Variants in PCDH11Y observed in about 807,000 individuals in gnomAD.
PCDH11Y encodes the protein protocadherin-11 Y-linked.
For synonymous variants in PCDH11Y, 9 were observed against 83.6 expected (o/e 0.11, Z 4.87); for missense variants, 12 against 224.8 (o/e 0.05, Z 6.05).
At chrY:5,217,763 AAAG>A (rs2052948237) in intron 2 of PCDH11Y, among the ~76,000 whole-genome samples, 1 of 34,276 alleles carries the variant, frequency 2.9e-5, no homozygotes, top group African/African-American at 1.1e-4. Flanking sequence ...ATCTGTGTGC[AAAG>A]AAGAACATAA....
At chrY:5,460,381 A>G in intron 2 of PCDH11Y, among the ~76,000 whole-genome samples, 1 of 33,240 alleles carries the variant, frequency 3.0e-5, no homozygotes, top group Non-Finnish European at 7.5e-5. Flanking sequence ...AGTCAGTCTT[A>G]TTGTCTTTTA....
intron 2 of PCDH11Y, among the ~76,000 whole-genome samples, chrY:5,199,557 A>G (rs1602885286): frequency 9.3e-5 from 3 of 32,363 alleles, no homozygotes; most frequent in Non-Finnish European, 2.3e-4. Context: ...AAAGTGCTGG[A>G]ATTACAGGCA....
chrY:5,594,447 G>A, intron 4 of PCDH11Y, among the ~76,000 whole-genome samples: 1 of 30,369 alleles, frequency 3.3e-5, no homozygotes, highest in South Asian at 7.9e-4. Context: ...GGAAGGGCAG[G>A]GTTCACACAC....
intron 4 of PCDH11Y, among the ~76,000 whole-genome samples, chrY:5,587,247 T>C: frequency 3.1e-5 from 1 of 32,584 alleles, no homozygotes; most frequent in Non-Finnish European, 7.6e-5. Context: ...AAAATTCCTC[T>C]TGTAATTAAT....
At chrY:5,003,092 C>A in intron 1 of PCDH11Y, among the ~76,000 whole-genome samples, 1 of 34,506 alleles carries the variant, frequency 2.9e-5, no homozygotes, top group African/African-American at 1.1e-4. Flanking sequence ...CTCGCAGCCC[C>A]CCCCCTTCCA....
intron 2 of PCDH11Y, among the ~76,000 whole-genome samples, chrY:5,350,389 C>T: frequency 3.3e-5 from 1 of 30,652 alleles, no homozygotes; most frequent in Non-Finnish European, 7.8e-5. Flanking sequence ...CCCTCCACCC[C>T]CCTACATTTG....
Position 5,120,906 on chromosome Y carries a change from A to G in PCDH11Y, c.3129+20199A>G, listed in dbSNP as rs1602871335. On this transcript the variant is annotated intron_variant, in intron 2 of 4. Transcript: ENST00000400457. ...AAATTAAGAAAAAGTGAAGCTAACA[A>G]AAACAAAACCATTCTAGGAGCCAGA... is the stretch of plus-strand genomic sequence containing the variant. Among the ~76,000 whole-genome samples the G allele has an allele frequency of 4.6e-4, 15 of 32,901 alleles. No homozygotes were observed. The Middle Eastern group carries it at 0.15, about 327-fold the overall frequency. The allele number at this position is 32,901 out of a possible 37,273, so 88.3% of individuals were successfully genotyped here. A position where few individuals can be genotyped will look rare whatever the true frequency, so the allele number is the denominator to read the frequency against.
At chrY:5,121,302 A>G in intron 2 of PCDH11Y, among the ~76,000 whole-genome samples, 1 of 31,332 alleles carries the variant, frequency 3.2e-5, no homozygotes, top group Non-Finnish European at 7.7e-5. Flanking sequence ...GGAAGTCGAC[A>G]GTGCAACCTT....
chrY:5,231,919 T>C (rs2052968404), intron 2 of PCDH11Y, among the ~76,000 whole-genome samples: 1 of 32,973 alleles, frequency 3.0e-5, no homozygotes, highest in Non-Finnish European at 7.5e-5. Context: ...CCTCTCGCCA[T>C]AGCCACCACC....
chrY:5,146,068 C>T, intron 2 of PCDH11Y, among the ~76,000 whole-genome samples: 1 of 33,596 alleles, frequency 3.0e-5, no homozygotes, highest in Non-Finnish European at 7.4e-5. Flanking sequence ...GCTTTCATTA[C>T]TGCCTGAGCT....
At chrY:5,123,132 A>G (rs1602871655) in intron 2 of PCDH11Y, among the ~76,000 whole-genome samples, 2 of 32,400 alleles carry the variant, frequency 6.2e-5, no homozygotes, top group South Asian at 1.6e-3. Flanking sequence ...AGAATCAGGG[A>G]ACATGGTTTG....
chrY:5,435,382 C>T, intron 2 of PCDH11Y, among the ~76,000 whole-genome samples: 3 of 26,363 alleles, frequency 1.1e-4, no homozygotes, highest in South Asian at 9.9e-4. Flanking sequence ...GGCGCAATCT[C>T]GGCTCACTGC....
At chrY:5,376,883 G>A (rs2053198205) in intron 2 of PCDH11Y, among the ~76,000 whole-genome samples, 1 of 25,324 alleles carries the variant, frequency 3.9e-5, no homozygotes, top group Non-Finnish European at 8.9e-5. Flanking sequence ...GGAGGCAAAT[G>A]TCAAAACAAT....
intron 1 of PCDH11Y, among the ~76,000 whole-genome samples, chrY:5,078,081 G>A (rs2052712617): frequency 3.2e-5 from 1 of 31,408 alleles, no homozygotes; most frequent in South Asian, 7.7e-4. Context: ...ATGCGTTCTC[G>A]TTGTTCAGAT....
chrY:5,069,896 A>G, intron 1 of PCDH11Y, among the ~76,000 whole-genome samples: 1 of 33,187 alleles, frequency 3.0e-5, no homozygotes, highest in Non-Finnish European at 7.4e-5. Flanking sequence ...CTCTTTGTTC[A>G]TCTACATTAC....
intron 2 of PCDH11Y, among the ~76,000 whole-genome samples, chrY:5,488,779 T>A (rs2053335812): frequency 3.0e-5 from 1 of 33,548 alleles, no homozygotes; most frequent in Non-Finnish European, 7.4e-5. Context: ...AACCATTGAA[T>A]GCACTTCAGA....
chrY:5,012,880 C>T (rs2052554205), intron 1 of PCDH11Y, among the ~76,000 whole-genome samples: 1 of 26,317 alleles, frequency 3.8e-5, no homozygotes, highest in African/African-American at 1.5e-4. Flanking sequence ...GATGGAGTCT[C>T]GCTCTGTCGC....
chrY:5,142,498 A>G, intron 2 of PCDH11Y, among the ~76,000 whole-genome samples: 1 of 32,719 alleles, frequency 3.1e-5, no homozygotes, highest in Admixed American at 2.8e-4. Context: ...AGGGGATACA[A>G]GCCTTGCAGG....
chrY:5,525,826 T>C (rs2053387033), intron 3 of PCDH11Y, among the ~76,000 whole-genome samples: 1 of 31,621 alleles, frequency 3.2e-5, no homozygotes, highest in African/African-American at 1.3e-4. Flanking sequence ...CTTGCATCTA[T>C]AGTACCTTCA....
Sources: gnomAD v4.1 joint callset for allele counts (sites outside exome capture counted in the v4.1 genomes callset) on GRCh38, gnomAD v4.1.1 for gene constraint, MANE v1.5 for transcripts, NCBI Gene and HGNC (gene_info 2026-07-23, HGNC 2026-07-21) for gene names.